Variants in ARL8B observed in about 807,000 individuals in gnomAD.
ARL8B encodes ARF like GTPase 8B, also known as ADP-ribosylation factor-like protein 8B.
Under a neutral mutation model 30.6 loss-of-function variants are expected in ARL8B, and 9 were observed. That is an observed-to-expected ratio of 0.29 (90% confidence interval 0.18 to 0.51). The LOEUF is 0.51. ARL8B is among the 20% of genes least tolerant of loss of function. The pLI is 0.97. For synonymous variants in ARL8B, 74 were observed against 76.0 expected, an observed-to-expected ratio of 0.97 and a Z score of 0.14; for missense variants, 130 against 227.2, an observed-to-expected ratio of 0.57 and a Z score of 2.75.
chr3:5,132,209 T>C (rs1357377887), intron 1 of ARL8B, among the ~76,000 whole-genome samples: 1 of 152,098 alleles, frequency 6.6e-6, no homozygotes, highest in Non-Finnish European at 1.5e-5. Context: ...CTTTCTGTAG[T>C]AGGTATTGCC....
intron 4 of ARL8B, 95 bp from the exon 5 acceptor site, chr3:5,173,922 A>C (rs2054701625): frequency 7.6e-6 from 7 of 923,844 alleles, no homozygotes; most frequent in Non-Finnish European, 1.2e-5. Context: ...GAATGTGTTA[A>C]CATCTTAACT....
intron 1 of ARL8B, among the ~76,000 whole-genome samples, chr3:5,158,533 C>G (rs1018209589): frequency 1.3e-5 from 2 of 152,146 alleles, no homozygotes; most frequent in African/African-American, 4.8e-5. Flanking sequence ...TAAGGCATTA[C>G]AAAGTTAAGG....
Position 5,178,573 on chromosome 3 carries a change from G to GTGCC in ARL8B, c.512-89_512-86dup, listed in dbSNP as rs773982860. The stretch of plus-strand genomic sequence containing the variant: ...AAGCAGCAGAGGTCAGGCATAGTGT[G>GTGCC]TGCCTTGAATTAGCTGCCTTTTAAA... On this transcript the variant is annotated intron_variant, in intron 6 of 6. Transcript: ENST00000256496. The GTGCC allele has an allele frequency of 2.3e-4, 282 of 1,250,034 alleles. 1 individual carries two copies. The highest frequency in any genetic ancestry group is 3.1e-4 in the Non-Finnish European group (273 of 882,614). 77.4% of individuals were successfully genotyped at this position (1,250,034 alleles called of 1,614,324 possible).
intron 1 of ARL8B, among the ~76,000 whole-genome samples, chr3:5,150,558 A>C (rs2054473605): frequency 6.6e-6 from 1 of 151,830 alleles, no homozygotes; most frequent in Non-Finnish European, 1.5e-5. Flanking sequence ...CAAGGTGGGC[A>C]GATCACTTGA....
chr3:5,142,650 C>G (rs560614736), intron 1 of ARL8B, among the ~76,000 whole-genome samples: 2 of 152,298 alleles, frequency 1.3e-5, no homozygotes, highest in East Asian at 3.9e-4. Flanking sequence ...AATCCTTTAC[C>G]TCAATTATTT....
At chr3:5,173,422 G>A (rs57255913) in intron 4 of ARL8B, among the ~76,000 whole-genome samples, 11,808 of 152,248 alleles carry the variant, frequency 0.078, 710 homozygotes, top group African/African-American at 0.15. Context: ...TTGGATAAGG[G>A]ATAGTAAACC....
At position 5,172,498 on chromosome 3, in the gene ARL8B, A is replaced by G. The variant is rs867024045; in HGVS notation, c.279-149A>G. 65 of 642,656 alleles carry G rather than the reference A, an allele frequency of 1.0e-4. 4 individuals are homozygous for G. The highest frequency in any genetic ancestry group is 2.8e-5 in the East Asian group (1 of 36,170). The allele number at this position is 642,656 out of a possible 1,614,324, so 39.8% of individuals were successfully genotyped here. A position where few individuals can be genotyped will look rare whatever the true frequency, so the allele number is the denominator to read the frequency against. On this transcript the variant is annotated intron_variant, in intron 3 of 6. Transcript: ENST00000256496. ...AAAACAGTCTAGTTAAAAAGTATTAAAGGGTGCTGAGCCTTTTCTTATGAC... is the reference window on the plus strand; with the variant it reads ...AAAACAGTCTAGTTAAAAAGTATTAGAGGGTGCTGAGCCTTTTCTTATGAC...
At chr3:5,178,348 T>G (rs181397443) in intron 6 of ARL8B, among the ~76,000 whole-genome samples, 1 of 150,022 alleles carries the variant, frequency 6.7e-6, no homozygotes, top group East Asian at 1.9e-4. Context: ...CAGGGGTTAT[T>G]CCTTTTTTTT....
chr3:5,179,546 C>T lies in ARL8B; in HGVS notation c.*833C>T, dbSNP rs2054759433. On this transcript the variant is annotated 3_prime_UTR_variant, in exon 7 of 7. Transcript: ENST00000256496. ...AAAGCGTTCATGAATTTAGAGCATT[C>T]CACCCAATATAATAAAACCTGTTAA... 1 of 152,572 alleles carries T rather than the reference C, an allele frequency of 6.6e-6. No individual in the cohort carries two copies. The highest frequency in any genetic ancestry group is 6.5e-5 in the Admixed American group (1 of 15,268). The allele number at this position is 152,572 out of a possible 1,614,324, so 9.5% of individuals were successfully genotyped here. A position where few individuals can be genotyped will look rare whatever the true frequency, so the allele number is the denominator to read the frequency against.
At chr3:5,133,455 T>C (rs1351058549) in intron 1 of ARL8B, among the ~76,000 whole-genome samples, 1 of 152,032 alleles carries the variant, frequency 6.6e-6, no homozygotes, top group East Asian at 1.9e-4. Context: ...ATTATGGAAA[T>C]AGGATGAGTA....
chr3:5,154,343 T>A (rs1310355271), intron 1 of ARL8B, among the ~76,000 whole-genome samples: 1 of 141,878 alleles, frequency 7.0e-6, no homozygotes, highest in Non-Finnish European at 1.5e-5. Flanking sequence ...ATAACTTTTT[T>A]TTTTTTTTGA....
intron 1 of ARL8B, among the ~76,000 whole-genome samples, chr3:5,141,146 AC>A (rs376568293): frequency 1.3e-5 from 2 of 152,104 alleles, no homozygotes; most frequent in African/African-American, 4.8e-5. Flanking sequence ...TTAGGGGCTG[AC>A]CCCTCCTCTA....
Position 5,124,590 on chromosome 3 carries a change from C to A in ARL8B, c.123+2002C>A, listed in dbSNP as rs530901968. The stretch of plus-strand genomic sequence containing the variant: ...ATGTGATCTTCCCTGTCTCAGCCTC[C>A]CAAGTAGCTGGGACTACAGGCATGT... On this transcript the variant is annotated intron_variant, in intron 1 of 6. Coordinates refer to ENST00000256496, the MANE Select transcript of ARL8B (RefSeq NM_018184.3). 7.2e-5 allele frequency among the ~76,000 whole-genome samples: 11 copies of A among 152,196 alleles called. 1 individual carries two copies. In the East Asian group the frequency reaches 2.1e-3, roughly 29 times the overall value.
intron 1 of ARL8B, among the ~76,000 whole-genome samples, chr3:5,131,258 G>T (rs1472325228): frequency 6.6e-6 from 1 of 151,898 alleles, no homozygotes; most frequent in Non-Finnish European, 1.5e-5. Flanking sequence ...GCCAATACAT[G>T]GACTTCATCA....
intron 1 of ARL8B, among the ~76,000 whole-genome samples, chr3:5,149,933 T>G (rs1033057002): frequency 1.2e-4 from 18 of 152,238 alleles, no homozygotes; most frequent in Admixed American, 1.1e-3. Flanking sequence ...CTTTAGTTTG[T>G]AGAACTTTGC....
rs139071116 is a variant in ARL8B, at chr3:5,137,121, G to A, written c.123+14533G>A. On this transcript the variant is annotated intron_variant, in intron 1 of 6. Coordinates refer to ENST00000256496, the MANE Select transcript of ARL8B (RefSeq NM_018184.3). ...CTAAATTTAAATTCTGGATATGCCA[G>A]AATTCTGTGACCTCCTCAAAGCTTC... 1.4e-3 allele frequency among the ~76,000 whole-genome samples: 211 copies of A among 152,276 alleles called. 2 individuals carry two copies. Among genetic ancestry groups the A allele is most frequent in the East Asian group, 2.9e-3 (15 of 5,188 alleles).
intron 1 of ARL8B, among the ~76,000 whole-genome samples, chr3:5,129,830 C>G (rs1425482473): frequency 6.6e-6 from 1 of 152,132 alleles, no homozygotes; most frequent in African/African-American, 2.4e-5. Flanking sequence ...CCAGCCTGGG[C>G]AACATAGTGA....
intron 1 of ARL8B, among the ~76,000 whole-genome samples, chr3:5,151,030 G>C (rs1198132657): frequency 6.6e-6 from 1 of 151,976 alleles, no homozygotes; most frequent in Non-Finnish European, 1.5e-5. Context: ...TTTAATGTCG[G>C]TGGAGTCTGT....
intron 1 of ARL8B, among the ~76,000 whole-genome samples, chr3:5,143,024 C>A (rs1201117576): frequency 6.6e-6 from 1 of 152,242 alleles, no homozygotes; most frequent in African/African-American, 2.4e-5. Context: ...ATCATCCCAG[C>A]TGGGGCATGG....
Sources: gnomAD v4.1 joint callset for allele counts (sites outside exome capture counted in the v4.1 genomes callset) on GRCh38, gnomAD v4.1.1 for gene constraint, MANE v1.5 for transcripts, NCBI Gene and HGNC (gene_info 2026-07-23, HGNC 2026-07-21) for gene names.